MAP2K6: variants seen among roughly 807,000 people sequenced by gnomAD.
MAP2K6 encodes the protein dual specificity mitogen-activated protein kinase kinase 6.
Under a neutral mutation model 53.7 loss-of-function variants are expected in MAP2K6, and 16 were observed. The ratio of observed to expected loss-of-function variants is 0.30; its 90% CI spans 0.20 to 0.45. MAP2K6 has a LOEUF of 0.45. MAP2K6 is among the 20% of genes least tolerant of loss of function. The pLI is 1.00. For synonymous variants in MAP2K6, 132 were observed against 143.1 expected, an observed-to-expected ratio of 0.92 and a Z score of 0.55; for missense variants, 204 against 411.9, an observed-to-expected ratio of 0.50 and a Z score of 4.37.
chr17:69,480,905 T>C (rs185518164), intron 1 of MAP2K6, among the ~76,000 whole-genome samples: 3 of 146,390 alleles, frequency 2.0e-5, no homozygotes, highest in East Asian at 2.0e-4. Context: ...GAGAAAACAA[T>C]GTTAGCATCT....
intron 2 of MAP2K6, among the ~76,000 whole-genome samples, chr17:69,506,937 A>G (rs1909523849): frequency 1.3e-5 from 2 of 150,878 alleles, no homozygotes; most frequent in Non-Finnish European, 3.0e-5. Flanking sequence ...TGCTGTCAAG[A>G]TTGTTTTCTT....
chr17:69,506,512 A>G (rs1034557345), intron 2 of MAP2K6, among the ~76,000 whole-genome samples: 2 of 151,838 alleles, frequency 1.3e-5, no homozygotes, highest in African/African-American at 2.4e-5. Context: ...TCTGCATGAG[A>G]GGAATGGAAA....
intron 2 of MAP2K6, among the ~76,000 whole-genome samples, chr17:69,509,446 A>G (rs1309317486): frequency 3.3e-5 from 5 of 152,256 alleles, no homozygotes; most frequent in East Asian, 1.9e-4. Flanking sequence ...TTGATCTTGA[A>G]TTCTGTGGAT....
rs1036094016 is a variant in MAP2K6, at chr17:69,550,366, A to T, written c.*8613A>T. The T allele has an allele frequency of 2.6e-5, 4 of 152,228 alleles. No homozygotes were observed. Among genetic ancestry groups the T allele is most frequent in the Non-Finnish European group, 4.4e-5 (3 of 68,038 alleles). 9.4% of individuals were successfully genotyped at this position (152,228 alleles called of 1,614,324 possible). On this transcript the variant is annotated 3_prime_UTR_variant, in exon 12 of 12. Coordinates refer to ENST00000590474, the MANE Select transcript of MAP2K6 (RefSeq NM_002758.4). ...CTTAACCTTTTGTTCCAGAGGGCAG[A>T]CATTTTTAAGAAAGGTGAATGTTAG...
At chr17:69,466,836 T>C (rs1194281088) in intron 1 of MAP2K6, among the ~76,000 whole-genome samples, 3 of 152,232 alleles carry the variant, frequency 2.0e-5, no homozygotes, top group African/African-American at 7.2e-5. Context: ...GATTCACTTA[T>C]GTTATCAGTT....
chr17:69,503,548 T>TA (rs1909281035), intron 1 of MAP2K6, among the ~76,000 whole-genome samples: 2 of 152,214 alleles, frequency 1.3e-5, no homozygotes, highest in South Asian at 4.1e-4. Context: ...AAGGTGGTCC[T>TA]AAAAGGCTTT....
rs1043986977 is a variant in MAP2K6, at chr17:69,510,347, G to A, written c.83+4501G>A. Among the ~76,000 whole-genome samples, 40 of 152,046 alleles carry A rather than the reference G, an allele frequency of 2.6e-4. 1 individual carries two copies. The highest frequency in any genetic ancestry group is 2.1e-3 in the Admixed American group (32 of 15,254). On this transcript the variant is annotated intron_variant, in intron 2 of 11. Coordinates refer to ENST00000590474, the MANE Select transcript of MAP2K6 (RefSeq NM_002758.4). ...TATATTTTTGTGCATTGTTGGATTC[G>A]ATTTGCTAAAATTTTGTTGAGGATT...
intron 1 of MAP2K6, among the ~76,000 whole-genome samples, chr17:69,500,447 C>CAAAAAAAAA (rs58712110): frequency 5.2e-5 from 3 of 57,630 alleles, no homozygotes; most frequent in African/African-American, 1.5e-4. Flanking sequence ...GACTCTGTCT[C>CAAAAAAAAA]AAAAAAAAAA....
At chr17:69,484,648 T>G (rs1908461109) in intron 1 of MAP2K6, among the ~76,000 whole-genome samples, 1 of 152,068 alleles carries the variant, frequency 6.6e-6, no homozygotes, top group Admixed American at 6.6e-5. Context: ...GCAGCATTAT[T>G]TATAATAGCC....
chr17:69,433,816 C>T (rs972030606), intron 1 of MAP2K6: 4 of 152,022 alleles, frequency 2.6e-5, no homozygotes, highest in Non-Finnish European at 5.9e-5. Context: ...TGAAATGACA[C>T]GAGTATCTAG....
At position 69,435,533 on chromosome 17, in the gene MAP2K6, C is replaced by CA. The variant is rs756597132; in HGVS notation, c.16+20550dup. On this transcript the variant is annotated intron_variant, in intron 1 of 11. Coordinates refer to ENST00000590474, the MANE Select transcript of MAP2K6 (RefSeq NM_002758.4). ...TGGGTGACAGAGTGAGATCCTGTCT[C>CA]AAAAAAAAAAAAAAAAAGAAAAGAA... 9.5e-3 allele frequency: 613 copies of CA among 64,640 alleles called. 6 individuals carry two copies. The highest frequency in any genetic ancestry group is 0.02 in the African/African-American group (342 of 16,906). 4.0% of individuals were successfully genotyped at this position (64,640 alleles called of 1,614,324 possible). A position where few individuals can be genotyped will look rare whatever the true frequency, so the allele number is the denominator to read the frequency against.
intron 1 of MAP2K6, chr17:69,434,429 G>GTGAGTGCTGCTCACTCACATT (rs1906572320): frequency 6.6e-6 from 1 of 152,188 alleles, no homozygotes; most frequent in African/African-American, 2.4e-5. Context: ...ATGAGGTCAT[G>GTGAGTGCTGCTCACTCACATT]TGAGTGCTGC....
intron 1 of MAP2K6, among the ~76,000 whole-genome samples, chr17:69,448,000 G>A (rs1176059140): frequency 6.6e-6 from 1 of 152,162 alleles, no homozygotes; most frequent in Non-Finnish European, 1.5e-5. Context: ...GCAGAAAGAG[G>A]ACTGAGCCGT....
intron 1 of MAP2K6, among the ~76,000 whole-genome samples, chr17:69,483,186 G>C (rs1908409577): frequency 6.6e-6 from 1 of 151,932 alleles, no homozygotes; most frequent in Non-Finnish European, 1.5e-5. Context: ...ACAGATCTCT[G>C]TTTGTAGATA....
At chr17:69,486,878 C>T (rs533012797) in intron 1 of MAP2K6, among the ~76,000 whole-genome samples, 3 of 152,246 alleles carry the variant, frequency 2.0e-5, no homozygotes, top group Middle Eastern at 3.4e-3. Context: ...ACCAGAGCAC[C>T]GTTTAGTGAG....
intron 1 of MAP2K6, chr17:69,502,669 G>A: frequency 6.1e-6 from 6 of 985,508 alleles, no homozygotes; most frequent in Non-Finnish European, 7.2e-6. Flanking sequence ...TTTCAACTAG[G>A]AGGCAGTAAA....
At chr17:69,459,709 C>CAA (rs71144694) in intron 1 of MAP2K6, among the ~76,000 whole-genome samples, 709 of 55,930 alleles carry the variant, frequency 0.013, 48 homozygotes, top group African/African-American at 0.032. Context: ...GACTCTGTCT[C>CAA]AAAAAAAAAA....
intron 1 of MAP2K6, among the ~76,000 whole-genome samples, chr17:69,469,116 T>C (rs935896832): frequency 6.6e-6 from 1 of 152,170 alleles, no homozygotes; most frequent in Admixed American, 6.5e-5. Flanking sequence ...AGATCCCTGT[T>C]TTCTTGCTGG....
At chr17:69,533,904 A>G (rs1374944395) in intron 10 of MAP2K6, among the ~76,000 whole-genome samples, 1 of 152,140 alleles carries the variant, frequency 6.6e-6, no homozygotes, top group Non-Finnish European at 1.5e-5. Flanking sequence ...GAATGTGCTT[A>G]AAGACAAAGA....
Sources: gnomAD v4.1 joint callset for allele counts (sites outside exome capture counted in the v4.1 genomes callset) on GRCh38, gnomAD v4.1.1 for gene constraint, MANE v1.5 for transcripts, NCBI Gene and HGNC (gene_info 2026-07-23, HGNC 2026-07-21) for gene names.